The following CNTNAP2 variants were observed in gnomAD, a reference collection of about 807,000 sequenced individuals.
CNTNAP2 encodes the protein contactin-associated protein-like 2.
A neutral mutation model predicts 155.2 loss-of-function variants in CNTNAP2; 98 were observed. That is an observed-to-expected ratio of 0.63 (90% confidence interval 0.54 to 0.75). CNTNAP2 has a LOEUF of 0.75. Among genes scored for constraint, CNTNAP2 ranks in the 30% least tolerant of loss-of-function variants. The pLI is 0.00. For synonymous variants in CNTNAP2, 651 were observed against 631.2 expected (o/e 1.03, Z -0.47); for missense variants, 1,727 against 1,688.1 (o/e 1.02, Z -0.40).
chr7:147,398,434 G>A (rs1208103245), intron 10 of CNTNAP2, among the ~76,000 whole-genome samples: 1 of 150,808 alleles, frequency 6.6e-6, no homozygotes, highest in East Asian at 2.0e-4. Flanking sequence ...GAGAACATAG[G>A]GTAAAAAAAA....
intron 8 of CNTNAP2, among the ~76,000 whole-genome samples, chr7:147,261,984 T>G (rs938248229): frequency 1.2e-4 from 18 of 152,234 alleles, no homozygotes; most frequent in African/African-American, 4.3e-4. Context: ...TGTATAATGA[T>G]AAAATTTCTC....
intron 1 of CNTNAP2, among the ~76,000 whole-genome samples, chr7:146,371,323 A>G (rs865864595): frequency 6.0e-5 from 9 of 149,460 alleles, no homozygotes; most frequent in Non-Finnish European, 8.9e-5. Context: ...ATCCTTTTAA[A>G]CTTATGTAAG....
intron 1 of CNTNAP2, among the ~76,000 whole-genome samples, chr7:146,296,962 G>A (rs1200051340): frequency 6.7e-6 from 1 of 148,908 alleles, no homozygotes; most frequent in Non-Finnish European, 1.5e-5. Flanking sequence ...TATTATCTGT[G>A]TGTGTGTGTG....
At chr7:146,509,590 G>C (rs1754914663) in intron 1 of CNTNAP2, among the ~76,000 whole-genome samples, 1 of 152,126 alleles carries the variant, frequency 6.6e-6, no homozygotes, top group South Asian at 2.1e-4. Context: ...GCCACTGGGG[G>C]AGCCCACAAC....
intron 18 of CNTNAP2, among the ~76,000 whole-genome samples, chr7:148,200,550 A>G (rs1795353081): frequency 6.6e-6 from 1 of 152,172 alleles, no homozygotes; most frequent in Non-Finnish European, 1.5e-5. Flanking sequence ...ATGCACCACC[A>G]GGCCTGGCTT....
chr7:148,168,504 T>C (rs1235630233), intron 17 of CNTNAP2, among the ~76,000 whole-genome samples: 2 of 141,146 alleles, frequency 1.4e-5, no homozygotes, highest in African/African-American at 2.7e-5. Context: ...TAGGTGGGAA[T>C]TGAACAATGA....
At chr7:147,681,989 A>G (rs1384416501) in intron 13 of CNTNAP2, among the ~76,000 whole-genome samples, 1 of 151,884 alleles carries the variant, frequency 6.6e-6, no homozygotes, top group East Asian at 1.9e-4. Context: ...AAAAAAGGAG[A>G]TAGGAAATGT....
At chr7:147,551,653 AC>A (rs1799854660) in intron 11 of CNTNAP2, among the ~76,000 whole-genome samples, 2 of 152,176 alleles carry the variant, frequency 1.3e-5, no homozygotes, top group African/African-American at 2.4e-5. Flanking sequence ...CTTATCCTGA[AC>A]CTAAATCAGA....
At chr7:147,085,207 T>C (rs1010961035) in intron 4 of CNTNAP2, among the ~76,000 whole-genome samples, 4 of 152,168 alleles carry the variant, frequency 2.6e-5, no homozygotes, top group African/African-American at 4.8e-5. Flanking sequence ...AGTATTGTTA[T>C]CTTTGTATGT....
intron 2 of CNTNAP2, among the ~76,000 whole-genome samples, chr7:146,779,394 G>T (rs1297143338): frequency 2.0e-5 from 3 of 152,150 alleles, no homozygotes; most frequent in Non-Finnish European, 4.4e-5. Flanking sequence ...GTGGCACAGG[G>T]AGAGGGACAC....
chr7:146,665,179 CCT>C (rs1411334381), intron 1 of CNTNAP2, among the ~76,000 whole-genome samples: 2 of 152,126 alleles, frequency 1.3e-5, no homozygotes, highest in Non-Finnish European at 2.9e-5. Context: ...GAACTCCTGA[CCT>C]CAGGTGATCT....
intron 14 of CNTNAP2, among the ~76,000 whole-genome samples, chr7:147,955,287 A>G (rs1167415247): frequency 6.6e-6 from 1 of 152,222 alleles, no homozygotes; most frequent in Non-Finnish European, 1.5e-5. Context: ...AAAACTGACA[A>G]ACTTTAAATA....
chr7:146,490,512 G>T (rs1318015795), intron 1 of CNTNAP2, among the ~76,000 whole-genome samples: 1 of 152,158 alleles, frequency 6.6e-6, no homozygotes, highest in Non-Finnish European at 1.5e-5. Context: ...GCTGATAAAT[G>T]TTTGTTGAGT....
intron 1 of CNTNAP2, among the ~76,000 whole-genome samples, chr7:146,511,324 A>G (rs1797462695): frequency 6.6e-6 from 1 of 152,214 alleles, no homozygotes; most frequent in Non-Finnish European, 1.5e-5. Flanking sequence ...ACCTAGTAGT[A>G]TGTTGAATAA....
intron 1 of CNTNAP2, among the ~76,000 whole-genome samples, chr7:146,238,601 G>A (rs929183586): frequency 2.0e-5 from 3 of 152,146 alleles, no homozygotes; most frequent in African/African-American, 7.2e-5. Flanking sequence ...GAAAAAAAAA[G>A]TATGGTCATA....
chr7:147,221,018 C>A (rs1009320377), intron 8 of CNTNAP2, among the ~76,000 whole-genome samples: 1 of 151,898 alleles, frequency 6.6e-6, no homozygotes, highest in African/African-American at 2.4e-5. Flanking sequence ...GGCCACACTT[C>A]TTTTTAATAC....
At chr7:147,564,997 G>C (rs1294299624) in intron 12 of CNTNAP2, among the ~76,000 whole-genome samples, 1 of 152,178 alleles carries the variant, frequency 6.6e-6, no homozygotes, top group East Asian at 1.9e-4. Context: ...ATCATAAAGA[G>C]AGCATGATGC....
At chr7:146,551,730 C>T (rs1341129402) in intron 1 of CNTNAP2, among the ~76,000 whole-genome samples, 2 of 152,034 alleles carry the variant, frequency 1.3e-5, no homozygotes, top group Admixed American at 6.6e-5. Flanking sequence ...ACCGCAGGAC[C>T]ACATTTGTAC....
chr7:148,020,479 GA>G (rs1481851518), intron 15 of CNTNAP2, among the ~76,000 whole-genome samples: 1 of 152,148 alleles, frequency 6.6e-6, no homozygotes, highest in African/African-American at 2.4e-5. Context: ...ATAAATGACT[GA>G]ACTTTTACTA....
Sources: allele counts gnomAD v4.1 joint callset (sites outside exome capture counted in the v4.1 genomes callset), GRCh38; gene constraint gnomAD v4.1.1; transcripts MANE v1.5; gene names NCBI Gene and HGNC (gene_info 2026-07-23, HGNC 2026-07-21).